Variants in AKR1C3 observed in about 807,000 individuals in gnomAD.
AKR1C3 encodes 3-alpha hydroxysteroid dehydrogenase, type II.
A neutral mutation model predicts 43.6 loss-of-function variants in AKR1C3; 48 were observed. The ratio of observed to expected loss-of-function variants is 1.10; its 90% CI spans 0.87 to 1.40. AKR1C3 has a LOEUF of 1.40. AKR1C3 is among the 40% of genes most tolerant of loss of function. The pLI is 0.00. For synonymous variants in AKR1C3, 162 were observed against 139.6 expected (o/e 1.16, Z -1.13); for missense variants, 482 against 391.2 (o/e 1.23, Z -1.96).
At chr10:5,071,093 A>G (rs189607649) in intron 1 of AKR1C3, among the ~76,000 whole-genome samples, 6 of 152,350 alleles carry the variant, frequency 3.9e-5, no homozygotes, top group Non-Finnish European at 8.8e-5. Context: ...ACTTATTTAC[A>G]GAGAATTATA....
chr10:5,107,386 C>A, intron 8 of AKR1C3, 75 bp from the exon 9 acceptor site: 1 of 1,068,120 alleles, frequency 9.4e-7, no homozygotes, highest in Non-Finnish European at 1.4e-6. Flanking sequence ...CTAATGACAG[C>A]TTCATTGAAA....
chr10:5,106,814 G>T (rs1258595525), intron 8 of AKR1C3, among the ~76,000 whole-genome samples: 1 of 152,014 alleles, frequency 6.6e-6, no homozygotes, highest in Non-Finnish European at 1.5e-5. Context: ...AAGTGATAGG[G>T]TGAGATAGTG....
upstream of AKR1C3, among the ~76,000 whole-genome samples, chr10:5,092,224 T>C (rs11252934): frequency 0.32 from 49,207 of 151,908 alleles, 8,526 homozygotes; most frequent in Non-Finnish European, 0.36. Flanking sequence ...AGATAGTCTA[T>C]TTGTTGTTGG....
At chr10:5,064,880 T>G (rs7922136) in intron 1 of AKR1C3, among the ~76,000 whole-genome samples, 106,968 of 147,856 alleles carry the variant, frequency 0.72, 38,832 homozygotes, top group East Asian at 0.93. Context: ...ATCTGATGAG[T>G]TCCAATATCC....
intron 1 of AKR1C3, among the ~76,000 whole-genome samples, chr10:5,059,548 A>G (rs1466411035): frequency 6.6e-5 from 10 of 152,136 alleles, no homozygotes; most frequent in African/African-American, 2.4e-4. Flanking sequence ...AGGCAAACCA[A>G]TGGTCCCAAC....
upstream of AKR1C3, among the ~76,000 whole-genome samples, chr10:5,091,810 C>T (rs558427004): frequency 6.8e-4 from 103 of 152,182 alleles, no homozygotes; most frequent in Non-Finnish European, 1.2e-3. Context: ...GTATTTTAAA[C>T]GTTGAAGAAG....
upstream of AKR1C3, chr10:5,048,795 C>T (rs781784536): frequency 6.8e-6 from 11 of 1,610,624 alleles, no homozygotes; most frequent in Non-Finnish European, 8.5e-6. Flanking sequence ...CATTTGCTAG[C>T]CAGCTGAGTG....
chr10:5,073,237 C>T (rs1838647742), intron 1 of AKR1C3, among the ~76,000 whole-genome samples: 1 of 152,186 alleles, frequency 6.6e-6, no homozygotes. Flanking sequence ...GCTGGGATTA[C>T]AGGTGTGAGC....
At chr10:5,082,436 C>T (rs1436635967) in intron 1 of AKR1C3, among the ~76,000 whole-genome samples, 7 of 151,884 alleles carry the variant, frequency 4.6e-5, no homozygotes, top group African/African-American at 1.7e-4. Flanking sequence ...CCTAGATGTC[C>T]CTTATTATTT....
At chr10:5,098,954 G>T in intron 4 of AKR1C3, 75 bp downstream of exon 4, 1 of 1,208,554 alleles carries the variant, frequency 8.3e-7, no homozygotes, top group Non-Finnish European at 1.2e-6. Flanking sequence ...CAATAGGAAA[G>T]AATGGAATAT....
chr10:5,078,295 T>C (rs1168074418), intron 1 of AKR1C3, among the ~76,000 whole-genome samples: 1 of 152,050 alleles, frequency 6.6e-6, no homozygotes, highest in Non-Finnish European at 1.5e-5. Context: ...ATACAAAAAT[T>C]AGCCAGGTAT....
intron 1 of AKR1C3, chr10:5,080,689 T>G (rs1838817126): frequency 6.6e-6 from 1 of 152,262 alleles, no homozygotes. Flanking sequence ...GTGTAGTGTT[T>G]AGGAAGGATG....
Position 5,098,270 on chromosome 10 carries a change from T to C in AKR1C3, c.370-532T>C, listed in dbSNP as rs900031255. 1.0e-5 allele frequency: 9 copies of C among 867,114 alleles called. 1 individual carries two copies. In the African/African-American group the frequency reaches 1.5e-4, roughly 14 times the overall value. 53.7% of individuals were successfully genotyped at this position (867,114 alleles called of 1,614,324 possible). A position where few individuals can be genotyped will look rare whatever the true frequency, so the allele number is the denominator to read the frequency against. ...TAAACTCCAACACTTTTTTTTATTA[T>C]TGTTGACCCAAACTTTTTCATTGGT... is the stretch of plus-strand genomic sequence containing the variant. On this transcript the variant is annotated intron_variant, in intron 3 of 8. Coordinates refer to ENST00000380554, the MANE Select transcript of AKR1C3 (RefSeq NM_003739.6).
chr10:5,084,485 T>C lies in AKR1C3; in HGVS notation c.85-11925T>C, dbSNP rs187917556. 1.3e-4 allele frequency among the ~76,000 whole-genome samples: 20 copies of C among 152,076 alleles called. No homozygotes were observed. The East Asian group carries it at 2.7e-3, about 21-fold the overall frequency. The stretch of plus-strand genomic sequence containing the variant: ...TACTGTTTTGGTTACTGTAGCCTTG[T>C]AGTATAGTTTGAAGTCAGGTAGCAT... On this transcript the variant is annotated intron_variant, in intron 1 of 8. Coordinates refer to the AKR1C3 transcript ENST00000439082.
intron 1 of AKR1C3, 65 bp downstream of exon 1, chr10:5,094,593 A>T: frequency 6.4e-7 from 1 of 1,553,544 alleles, no homozygotes; most frequent in Non-Finnish European, 8.9e-7. Flanking sequence ...TGAAACCCGT[A>T]TTGGGTTGTA....
chr10:5,065,351 A>G (rs1231623164), intron 1 of AKR1C3, among the ~76,000 whole-genome samples: 2 of 152,222 alleles, frequency 1.3e-5, no homozygotes, highest in Non-Finnish European at 2.9e-5. Flanking sequence ...CATGGAATCA[A>G]ATTAAATGCC....
chr10:5,061,187 C>G (rs1369007014), intron 1 of AKR1C3, among the ~76,000 whole-genome samples: 2 of 152,186 alleles, frequency 1.3e-5, no homozygotes, highest in Non-Finnish European at 2.9e-5. Flanking sequence ...CAAGGGCTGC[C>G]AGCACACTGT....
At chr10:5,081,561 T>C (rs1427433322) in intron 1 of AKR1C3, 1 of 152,208 alleles carries the variant, frequency 6.6e-6, no homozygotes, top group Non-Finnish European at 1.5e-5. Flanking sequence ...GGGAAGGCTG[T>C]TTCTCTCAGT....
At chr10:5,063,656 G>A (rs1554780473) in intron 1 of AKR1C3, among the ~76,000 whole-genome samples, 1 of 148,342 alleles carries the variant, frequency 6.7e-6, no homozygotes, top group African/African-American at 2.5e-5. Flanking sequence ...GTGTAGTGGT[G>A]CAAGCCTGTA....
Sources: allele counts gnomAD v4.1 joint callset (sites outside exome capture counted in the v4.1 genomes callset), GRCh38; gene constraint gnomAD v4.1.1; transcripts MANE v1.5; gene names NCBI Gene and HGNC (gene_info 2026-07-23, HGNC 2026-07-21).